Variants in ATP11B observed in about 807,000 individuals in gnomAD.
ATP11B encodes phospholipid-transporting ATPase IF.
A neutral mutation model predicts 157.8 loss-of-function variants in ATP11B; 81 were observed. The ratio of observed to expected loss-of-function variants is 0.51; its 90% CI spans 0.43 to 0.62. ATP11B has a LOEUF of 0.62. ATP11B is among the 20% of genes least tolerant of loss of function. The pLI, the probability that ATP11B is intolerant of heterozygous loss-of-function variation, is 0.00. For missense variants in ATP11B, 1,165 were observed against 1,402.2 expected (o/e 0.83, Z 2.70); for synonymous variants, 451 against 469.4 (o/e 0.96, Z 0.51).
intron 12 of ATP11B, among the ~76,000 whole-genome samples, chr3:182,864,611 C>G (rs1387783777): frequency 2.0e-5 from 3 of 151,926 alleles, no homozygotes; most frequent in African/African-American, 7.2e-5. Context: ...GGGATAAATC[C>G]CACATATTTG....
At chr3:182,845,156 C>T (rs999582681) in intron 8 of ATP11B, among the ~76,000 whole-genome samples, 18 of 152,048 alleles carry the variant, frequency 1.2e-4, no homozygotes, top group African/African-American at 1.7e-4. Context: ...AGGCGCATGC[C>T]GCCACGCCTG....
At chr3:182,906,284 A>G (rs1403468692) in intron 28 of ATP11B, among the ~76,000 whole-genome samples, 1 of 152,126 alleles carries the variant, frequency 6.6e-6, no homozygotes, top group African/African-American at 2.4e-5. Context: ...TTCCCCCTTG[A>G]AGTTGTAGTT....
intron 4 of ATP11B, chr3:182,833,919 G>C (rs1238963652): frequency 6.6e-6 from 1 of 152,146 alleles, no homozygotes; most frequent in Admixed American, 6.5e-5. Flanking sequence ...AGTACTACAA[G>C]GTAATAGAAG....
At chr3:182,809,794 A>G (rs892395831) in intron 1 of ATP11B, among the ~76,000 whole-genome samples, 2 of 152,236 alleles carry the variant, frequency 1.3e-5, no homozygotes, top group East Asian at 1.9e-4. Context: ...GATTTCATCA[A>G]TTCCATATGG....
rs778188636 is a variant in ATP11B, at chr3:182,867,432, G to A, written c.1676G>A (p.Gly559Glu). Residue 559 changes from glycine to glutamate, a missense_variant, in exon 15 of 30, where the codon GGA (glycine) becomes GAA (glutamate). Transcript: ENST00000323116. ...SEETMEVKTLGKLERYKLLHI... is the reference protein window; with the variant it reads ...SEETMEVKTLEKLERYKLLHI... ...GAAACTATGGAGGTTAAAACTCTTG[G>A]AAAACTGGAACGGTAATTTTTTTTC... 6.2e-7 allele frequency: 1 copy of A among 1,606,084 alleles called. No homozygotes were observed. Among genetic ancestry groups the A allele is most frequent in the East Asian group, 2.2e-5 (1 of 44,768 alleles).
intron 29 of ATP11B, chr3:182,915,443 G>GCAAATTTCCCA: frequency 1.0e-6 from 1 of 985,240 alleles, no homozygotes; most frequent in Non-Finnish European, 1.2e-6. Context: ...ACCTAGGCCA[G>GCAAATTTCCCA]CAAATTTCCC....
chr3:182,805,552 T>G (rs1255592917), intron 1 of ATP11B, among the ~76,000 whole-genome samples: 14 of 152,000 alleles, frequency 9.2e-5, no homozygotes, highest in Non-Finnish European at 1.5e-5. Context: ...CCTCCCAGAT[T>G]GAAGTGATTC....
chr3:182,814,878 C>T (rs1433766548), intron 1 of ATP11B, among the ~76,000 whole-genome samples: 1 of 152,082 alleles, frequency 6.6e-6, no homozygotes, highest in Non-Finnish European at 1.5e-5. Context: ...GTAATGAAAT[C>T]TATACTGGAA....
At chr3:182,886,454 A>G (rs1722798294) in intron 23 of ATP11B, among the ~76,000 whole-genome samples, 1 of 152,122 alleles carries the variant, frequency 6.6e-6, no homozygotes, top group Non-Finnish European at 1.5e-5. Context: ...ACCTTTAAAT[A>G]ATTGATGGGG....
At chr3:182,813,760 C>G (rs528317666) in intron 1 of ATP11B, among the ~76,000 whole-genome samples, 115 of 152,142 alleles carry the variant, frequency 7.6e-4, no homozygotes, top group African/African-American at 2.6e-3. Flanking sequence ...CAGGGTCTTA[C>G]TCTGTTGCCC....
chr3:182,857,303 G>A (rs562905783), intron 10 of ATP11B, among the ~76,000 whole-genome samples: 1 of 151,936 alleles, frequency 6.6e-6, no homozygotes, highest in Non-Finnish European at 1.5e-5. Flanking sequence ...CCGTCACCAC[G>A]CCCAGCTAAT....
At position 182,872,448 on chromosome 3, in the gene ATP11B, C is replaced by G. The variant is rs1157059194; in HGVS notation, c.1959C>G (p.Ala653=). The G allele has an allele frequency of 1.2e-6, 2 of 1,614,070 alleles. No homozygotes were observed. Among genetic ancestry groups the G allele is most frequent in the East Asian group, 2.2e-5 (1 of 44,876 alleles). ...AACGCATATTTGAAGCCAGGACTGCCTTGCAGCAGCGGGAAGAGAAATTGG... is the reference window on the plus strand; with the variant it reads ...AACGCATATTTGAAGCCAGGACTGCGTTGCAGCAGCGGGAAGAGAAATTGG... ...IDKRIFEART[A]LQQREEKLAA... is the part of the protein sequence containing the mutation. Residue 653 remains alanine, a synonymous_variant, in exon 18 of 30, where the codon GCC becomes GCG. Transcript: ENST00000323116.
intron 2 of ATP11B, among the ~76,000 whole-genome samples, chr3:182,827,049 C>G (rs912474715): frequency 6.6e-6 from 1 of 152,104 alleles, no homozygotes; most frequent in South Asian, 2.1e-4. Flanking sequence ...AATATTTGAT[C>G]TCTACCTATG....
chr3:182,872,919 T>C (rs917112562), intron 18 of ATP11B, among the ~76,000 whole-genome samples: 4 of 152,230 alleles, frequency 2.6e-5, no homozygotes, highest in African/African-American at 9.6e-5. Flanking sequence ...AAAACTATTC[T>C]GTTTTGTGCC....
chr3:182,833,964 T>G (rs1028078838), intron 4 of ATP11B: 2 of 152,230 alleles, frequency 1.3e-5, no homozygotes, highest in African/African-American at 4.8e-5. Context: ...AGCCAGAAGA[T>G]GCTTTGTTGT....
chr3:182,859,097 A>T, intron 11 of ATP11B, 65 bp from the exon 12 acceptor site: 1 of 1,187,668 alleles, frequency 8.4e-7, no homozygotes, highest in Non-Finnish European at 1.2e-6. Context: ...GGTAATTTTC[A>T]TCAGTAATAC....
In ATP11B at chr3:182,920,036, A is replaced by G. The variant is rs1725367731; in HGVS notation, c.*1932A>G. The G allele has an allele frequency of 6.6e-6, 1 of 152,220 alleles. No homozygotes were observed. Among genetic ancestry groups the G allele is most frequent in the Non-Finnish European group, 1.5e-5 (1 of 68,046 alleles). The allele number at this position is 152,220 out of a possible 1,614,324, so 9.4% of individuals were successfully genotyped here. On this transcript the variant is annotated 3_prime_UTR_variant, in exon 30 of 30. Coordinates refer to ENST00000323116, the MANE Select transcript of ATP11B (RefSeq NM_014616.3). ...TCATAAAATCTCTTATAAAACGTGC[A>G]TATAACAAAATGACACCCAGTAGGC...
rs116781729 is a variant in ATP11B, at chr3:182,856,678, G to A, written c.852-1200G>A. ...TATGCCTAATACATAATAACCAAAC[G>A]AAAGCCAGTTCCTTTCTTACATTCC... On this transcript the variant is annotated intron_variant, in intron 10 of 29. Transcript: ENST00000323116. Among the ~76,000 whole-genome samples the A allele has an allele frequency of 3.2e-3, 489 of 152,218 alleles. 3 individuals are homozygous for A. The highest frequency in any genetic ancestry group is 0.011 in the African/African-American group (471 of 41,534).
intron 25 of ATP11B, among the ~76,000 whole-genome samples, chr3:182,891,639 A>T (rs1200834130): frequency 6.6e-6 from 1 of 152,202 alleles, no homozygotes; most frequent in Non-Finnish European, 1.5e-5. Context: ...TTAAAATAAA[A>T]TCTTGAACAT....
Sources: gnomAD v4.1 joint callset for allele counts (sites outside exome capture counted in the v4.1 genomes callset) on GRCh38, gnomAD v4.1.1 for gene constraint, MANE v1.5 for transcripts, NCBI Gene and HGNC (gene_info 2026-07-23, HGNC 2026-07-21) for gene names.